ATXN1: variants seen among roughly 807,000 people sequenced by gnomAD.
ATXN1 encodes ataxin 1.
In ATXN1, 8 loss-of-function variants were observed where a neutral mutation model predicts 56.4. The observed-to-expected ratio is 0.14, with a 90% CI of 0.08 to 0.26. The LOEUF is 0.26. Among genes scored for constraint, ATXN1 ranks in the 10% least tolerant of loss-of-function variants. The probability of loss-of-function intolerance (pLI) is 1.00; values close to 1 mark genes in which losing one functional copy is unlikely to be tolerated. For synonymous variants in ATXN1, 514 were observed against 494.6 expected (o/e 1.04, Z -0.52); for missense variants, 987 against 1,106.5 (o/e 0.89, Z 1.53).
At chr6:16,560,952 T>C (rs996715680) in intron 4 of ATXN1, among the ~76,000 whole-genome samples, 1 of 152,228 alleles carries the variant, frequency 6.6e-6, no homozygotes, top group African/African-American at 2.4e-5. Context: ...TCTTGTTCCT[T>C]TCTTCTTTGT....
At chr6:16,459,289 A>C (rs970231261) in intron 6 of ATXN1, among the ~76,000 whole-genome samples, 1 of 152,156 alleles carries the variant, frequency 6.6e-6, no homozygotes. Flanking sequence ...GAAAGGCAAA[A>C]AATGCCCACC....
rs555585631 is a variant in ATXN1, at chr6:16,359,206, C to T, written c.-160-30736G>A. Reference sequence around the variant, plus strand: ...TCCGGGGCAGAAAAGAGGGGAGTCCCCAATTAGGCCCCACCTTCAGGCGAG... The same window carrying T: ...TCCGGGGCAGAAAAGAGGGGAGTCCTCAATTAGGCCCCACCTTCAGGCGAG... On this transcript the variant is annotated intron_variant, in intron 6 of 7. Coordinates refer to ENST00000436367, the MANE Select transcript of ATXN1 (RefSeq NM_001128164.2). 2.2e-4 allele frequency among the ~76,000 whole-genome samples: 34 copies of T among 152,306 alleles called. 2 individuals are homozygous for T. Among genetic ancestry groups the T allele is most frequent in the African/African-American group, 7.7e-4 (32 of 41,588 alleles).
chr6:16,606,319 C>T (rs1490873679), intron 3 of ATXN1, among the ~76,000 whole-genome samples: 1 of 152,070 alleles, frequency 6.6e-6, no homozygotes, highest in South Asian at 2.1e-4. Flanking sequence ...GCCTCACCTG[C>T]GAACACATGT....
rs1425070569 is a variant in ATXN1 at position 16,410,620 on chromosome 6, T to A, written c.-161+75352A>T. 2.6e-5 allele frequency among the ~76,000 whole-genome samples: 4 copies of A among 152,186 alleles called. No homozygotes were observed. The highest frequency in any genetic ancestry group is 4.4e-5 in the Non-Finnish European group (3 of 68,038). On this transcript the variant is annotated intron_variant, in intron 6 of 7. Transcript: ENST00000436367. The surrounding 1 kb of genome is among the most constrained non-coding windows in gnomAD (Gnocchi z 4.6). ...ATGCAAAAAATCCAAAAGGGTGCAA[T>A]CATTTGTTTTACTAGAATCTTCTTT...
At chr6:16,542,920 C>T (rs975474396) in intron 4 of ATXN1, among the ~76,000 whole-genome samples, 1 of 151,910 alleles carries the variant, frequency 6.6e-6, no homozygotes, top group Non-Finnish European at 1.5e-5. Flanking sequence ...CTCTCTCTCT[C>T]AAAATATCTT....
chr6:16,726,949 A>G (rs1260684461), intron 2 of ATXN1, among the ~76,000 whole-genome samples: 1 of 152,222 alleles, frequency 6.6e-6, no homozygotes, highest in African/African-American at 2.4e-5. Flanking sequence ...TTAGACACTG[A>G]ACATACTACT....
chr6:16,313,310 G>A (rs1240023097), intron 7 of ATXN1, among the ~76,000 whole-genome samples: 3 of 152,114 alleles, frequency 2.0e-5, no homozygotes, highest in Non-Finnish European at 2.9e-5. Flanking sequence ...CCAAACCTAA[G>A]TTCAGTTACA....
At position 16,319,078 on chromosome 6, in the gene ATXN1, C is replaced by A. The variant is rs115222697; in HGVS notation, c.1917+7316G>T. On this transcript the variant is annotated intron_variant, in intron 7 of 7. Coordinates refer to ENST00000436367, the MANE Select transcript of ATXN1 (RefSeq NM_001128164.2). ...CAAAAAAATAGAAAAATTAGCTGGG[C>A]GTGGTGGTGTGTACTTGTGGTCCCT... Among the ~76,000 whole-genome samples the A allele has an allele frequency of 5.8e-3, 879 of 151,914 alleles. 3 individuals are homozygous for A. Among genetic ancestry groups the A allele is most frequent in the Non-Finnish European group, 6.6e-3 (450 of 67,958 alleles).
rs1760146702 is a variant in ATXN1 at position 16,302,933 on chromosome 6, G to A, written c.*3396C>T. 6.6e-6 allele frequency: 1 copy of A among 152,642 alleles called. No homozygotes were observed. The highest frequency in any genetic ancestry group is 2.1e-4 in the South Asian group (1 of 4,828). 9.5% of individuals were successfully genotyped at this position (152,642 alleles called of 1,614,324 possible). A position where few individuals can be genotyped will look rare whatever the true frequency, so the allele number is the denominator to read the frequency against. On this transcript the variant is annotated 3_prime_UTR_variant, in exon 8 of 8. Transcript: ENST00000436367. ...GACAGAGGCTGCTCTGGGAGCCTCGGGGCCCGCCAACGTCTGCAAACAGGA... is the reference window on the plus strand; with the variant it reads ...GACAGAGGCTGCTCTGGGAGCCTCGAGGCCCGCCAACGTCTGCAAACAGGA...
At chr6:16,313,453 G>A (rs1312626826) in intron 7 of ATXN1, among the ~76,000 whole-genome samples, 12 of 152,230 alleles carry the variant, frequency 7.9e-5, no homozygotes, top group African/African-American at 2.2e-4. Context: ...TAAATGCTGT[G>A]GTGTGAACCA....
At chr6:16,625,440 A>G (rs1278079463) in intron 3 of ATXN1, among the ~76,000 whole-genome samples, 1 of 152,170 alleles carries the variant, frequency 6.6e-6, no homozygotes, top group East Asian at 1.9e-4. Flanking sequence ...CCTATTATTT[A>G]CAAGGCGCTG....
At chr6:16,497,466 T>C (rs754814351) in intron 5 of ATXN1, among the ~76,000 whole-genome samples, 11 of 152,226 alleles carry the variant, frequency 7.2e-5, no homozygotes, top group Non-Finnish European at 1.3e-4. Context: ...CAGAGCAGAC[T>C]ATCCATTATC....
intron 4 of ATXN1, among the ~76,000 whole-genome samples, chr6:16,571,922 C>G (rs535621176): frequency 2.0e-4 from 30 of 152,288 alleles, no homozygotes; most frequent in African/African-American, 7.0e-4. Context: ...CTCAGCCCCC[C>G]AAAGTGCTGG....
chr6:16,439,795 C>T (rs1383628789), intron 6 of ATXN1, among the ~76,000 whole-genome samples: 1 of 152,142 alleles, frequency 6.6e-6, no homozygotes, highest in Non-Finnish European at 1.5e-5. Context: ...AAAGTGGGGC[C>T]AGGCACAGTG....
In ATXN1 at chr6:16,350,161, G is replaced by A. The variant is rs59919885; in HGVS notation, c.-160-21691C>T. 1.5e-3 allele frequency among the ~76,000 whole-genome samples: 228 copies of A among 152,214 alleles called. 1 individual carries two copies. Among genetic ancestry groups the A allele is most frequent in the African/African-American group, 4.9e-3 (203 of 41,500 alleles). On this transcript the variant is annotated intron_variant, in intron 6 of 7. Coordinates refer to ENST00000436367, the MANE Select transcript of ATXN1 (RefSeq NM_001128164.2). ...CAAGCGGAAATGCAAAAAAAGTAAGGCAGTCTCCTGTTTACAACAAAGCTC... is the reference window on the plus strand; with the variant it reads ...CAAGCGGAAATGCAAAAAAAGTAAGACAGTCTCCTGTTTACAACAAAGCTC...
intron 3 of ATXN1, among the ~76,000 whole-genome samples, chr6:16,625,860 T>C (rs1763397532): frequency 6.6e-6 from 1 of 152,150 alleles, no homozygotes; most frequent in Non-Finnish European, 1.5e-5. Flanking sequence ...GAACTCTAGG[T>C]ACCAAGCATT....
intron 2 of ATXN1, chr6:16,736,941 A>C (rs1254610885): frequency 3.3e-5 from 5 of 152,210 alleles, no homozygotes; most frequent in African/African-American, 1.2e-4. Flanking sequence ...AAGCAAGATC[A>C]TTGCTCCTTC....
At chr6:16,426,237 A>G (rs1759151269) in intron 6 of ATXN1, among the ~76,000 whole-genome samples, 1 of 151,094 alleles carries the variant, frequency 6.6e-6, no homozygotes, top group South Asian at 2.1e-4. Context: ...ATTCATTTTG[A>G]CAGGGCTTAT....
At chr6:16,404,875 TTAA>T (rs2113541993) in intron 6 of ATXN1, among the ~76,000 whole-genome samples, 1 of 152,308 alleles carries the variant, frequency 6.6e-6, no homozygotes, top group East Asian at 1.9e-4. Flanking sequence ...AGATTTTGTA[TTAA>T]TAATAATCAC....
Sources: allele counts gnomAD v4.1 joint callset (sites outside exome capture counted in the v4.1 genomes callset), GRCh38; gene constraint gnomAD v4.1.1; non-coding constraint Gnocchi (gnomAD v3.1); transcripts MANE v1.5; gene names NCBI Gene and HGNC (gene_info 2026-07-23, HGNC 2026-07-21).